PAH: variants seen among roughly 807,000 people sequenced by gnomAD.
PAH encodes the protein phenylalanine hydroxylase.
In PAH, 64 loss-of-function variants were observed where a neutral mutation model predicts 62.0. The observed-to-expected ratio is 1.03, with a 90% CI of 0.84 to 1.27. The LOEUF (loss-of-function observed/expected upper bound fraction) is 1.27, where lower values mean the gene tolerates loss of function less well. Ranked by LOEUF, PAH falls within the 50% of genes most tolerant of loss-of-function variation. The pLI is 0.00. For synonymous variants in PAH, 195 were observed against 196.2 expected (o/e 0.99, Z 0.05); for missense variants, 579 against 542.8 (o/e 1.07, Z -0.66).
At chr12:102,839,319 G>T in intron 12 of PAH, 101 bp from the exon 13 acceptor site, 1 of 1,140,840 alleles carries the variant, frequency 8.8e-7, no homozygotes, top group Non-Finnish European at 1.3e-6. Context: ...GGGCTTCTTG[G>T]ATGAGCTGGG....
rs1400022411 is a variant in PAH at position 102,889,545 on chromosome 12, TAGAC to T, written c.352+5186_352+5189del. Among the ~76,000 whole-genome samples the T allele has an allele frequency of 2.7e-3, 331 of 123,638 alleles. 2 individuals are homozygous for T. Among genetic ancestry groups the T allele is most frequent in the African/African-American group, 7.3e-3 (288 of 39,310 alleles). 81.1% of individuals were successfully genotyped at this position (123,638 alleles called of 152,430 possible). A position where few individuals can be genotyped will look rare whatever the true frequency, so the allele number is the denominator to read the frequency against. On this transcript the variant is annotated intron_variant, in intron 3 of 12. Transcript: ENST00000553106. ...ATGGATAGATAGACGGATAGATAGA[TAGAC>T]AGATAGATAGATAGATAGATAGACA...
intron 3 of PAH, among the ~76,000 whole-genome samples, chr12:102,889,152 A>T (rs1877164094): frequency 6.6e-6 from 1 of 152,118 alleles, no homozygotes; most frequent in Admixed American, 6.5e-5. Flanking sequence ...TCTCCTAAAA[A>T]TTATGCATGC....
At chr12:102,942,118 G>A (rs1209865693) in intron 1 of PAH, among the ~76,000 whole-genome samples, 1 of 152,100 alleles carries the variant, frequency 6.6e-6, no homozygotes, top group Admixed American at 6.5e-5. Flanking sequence ...AATAGGAGAG[G>A]AAGTCAAACT....
At chr12:102,879,998 C>G (rs968207648) in intron 3 of PAH, among the ~76,000 whole-genome samples, 1 of 152,198 alleles carries the variant, frequency 6.6e-6, no homozygotes, top group East Asian at 1.9e-4. Context: ...TATGCTACCC[C>G]CTTCAATTTC....
At chr12:102,927,703 C>G (rs377357942) in intron 1 of PAH, among the ~76,000 whole-genome samples, 1 of 152,072 alleles carries the variant, frequency 6.6e-6, no homozygotes, top group Non-Finnish European at 1.5e-5. Context: ...ACAATTTACA[C>G]AATTAAGCTA....
intron 8 of PAH, among the ~76,000 whole-genome samples, chr12:102,848,253 G>T (rs1015302826): frequency 6.6e-6 from 1 of 151,542 alleles, no homozygotes; most frequent in Non-Finnish European, 1.5e-5. Flanking sequence ...AGACTGAAGG[G>T]GTTGAGGATA....
Position 102,855,328 on chromosome 12 carries a change from G to A in PAH, c.514C>T (p.Gln172Ter), listed in dbSNP as rs199475588. The change falls in exon 6 of 13, where the codon CAG becomes TAG. Residue 172 changes from glutamine to a stop codon, truncating the protein, a stop_gained. Transcript: ENST00000553106. LOFTEE classifies it high-confidence loss of function. The stretch of plus-strand genomic sequence containing the variant: ...ATGTATTCCACTCGAGGGATGGGCT[G>A]CCCACTAGAATACAGGCACAAAATA... ...ADIAYNYRHG[Q>*]PIPRVEYMEE... is the part of the protein sequence containing the mutation. 2 of 1,613,966 alleles carry A rather than the reference G, an allele frequency of 1.2e-6. No individual in the cohort carries two copies. The highest frequency in any genetic ancestry group is 1.7e-6 in the Non-Finnish European group (2 of 1,179,912).
In PAH at chr12:102,840,468, G is replaced by T. The variant is rs1445893088; in HGVS notation, c.1247C>A (p.Pro416Gln). 6.8e-6 allele frequency: 11 copies of T among 1,613,986 alleles called. No homozygotes were observed. The highest frequency in any genetic ancestry group is 9.3e-6 in the Non-Finnish European group (11 of 1,179,880). ...CAAGACCTCAATCCTTTGGGTGTAT[G>T]GGTCGTAGCGAACTGAGAAGGGCCG... ...IPRPFSVRYD[P>Q]YTQRIEVLDN... is the part of the protein sequence containing the mutation. The change falls in exon 12 of 13, where the codon CCA becomes CAA. Residue 416 changes from proline to glutamine, a missense_variant. Transcript: ENST00000553106.
At chr12:102,914,040 A>C in intron 1 of PAH, 1 of 516,208 alleles carries the variant, frequency 1.9e-6, no homozygotes. Context: ...GTGTTAGGAA[A>C]CTCTTAGTGA....
chr12:102,928,699 T>A (rs1787250399), intron 1 of PAH, among the ~76,000 whole-genome samples: 1 of 152,180 alleles, frequency 6.6e-6, no homozygotes, highest in African/African-American at 2.4e-5. Context: ...CTCAGTTTCC[T>A]GATAAGACAC....
intron 8 of PAH, among the ~76,000 whole-genome samples, chr12:102,849,939 G>A (rs558342282): frequency 6.6e-6 from 1 of 152,344 alleles, no homozygotes; most frequent in South Asian, 2.1e-4. Context: ...ATGTGACACT[G>A]ATGCCCCAAG....
At chr12:102,922,401 C>T (rs1187889918) in intron 1 of PAH, among the ~76,000 whole-genome samples, 1 of 152,032 alleles carries the variant, frequency 6.6e-6, no homozygotes, top group African/African-American at 2.4e-5. Flanking sequence ...ATCATGTTGG[C>T]CAGGTTAGTC....
chr12:102,871,179 A>T (rs1876300981), intron 4 of PAH, among the ~76,000 whole-genome samples: 1 of 152,200 alleles, frequency 6.6e-6, no homozygotes. Flanking sequence ...GCCTCTTCAA[A>T]AGCCCTTCAA....
rs73393595 is a variant in PAH, at chr12:102,934,631, C to G, written c.-96+15958G>C. Reference sequence around the variant, plus strand: ...TGTCTTATAGTTTTCATTGTAGAGACCTTTCACTTCTTAGGTTAACTCCTA... The same window carrying G: ...TGTCTTATAGTTTTCATTGTAGAGAGCTTTCACTTCTTAGGTTAACTCCTA... On this transcript the variant is annotated intron_variant, in intron 1 of 3. Coordinates refer to the PAH transcript ENST00000546844. 9.9e-5 allele frequency among the ~76,000 whole-genome samples: 15 copies of G among 151,850 alleles called. No homozygotes were observed. In the East Asian group the frequency reaches 1.5e-3, roughly 16 times the overall value.
intron 3 of PAH, among the ~76,000 whole-genome samples, chr12:102,887,704 AG>A (rs1220339427): frequency 6.6e-6 from 1 of 152,126 alleles, no homozygotes; most frequent in African/African-American, 2.4e-5. Context: ...GAATTGGGAG[AG>A]TGGGTCTTTG....
intron 2 of PAH, among the ~76,000 whole-genome samples, chr12:102,898,943 C>G (rs1476173280): frequency 6.6e-6 from 1 of 152,180 alleles, no homozygotes; most frequent in African/African-American, 2.4e-5. Context: ...ATGGCTCCAA[C>G]TGCAGACAAC....
At chr12:102,889,791 G>T (rs1175117309) in intron 3 of PAH, among the ~76,000 whole-genome samples, 1 of 152,130 alleles carries the variant, frequency 6.6e-6, no homozygotes, top group African/African-American at 2.4e-5. Flanking sequence ...GCTTCTCCTG[G>T]CTGCAATCTC....
intron 8 of PAH, among the ~76,000 whole-genome samples, chr12:102,849,792 C>G (rs1012121469): frequency 2.0e-5 from 3 of 152,188 alleles, no homozygotes; most frequent in Non-Finnish European, 1.5e-5. Context: ...GGGGGCCCCA[C>G]ATTCCCTGTG....
intron 1 of PAH, among the ~76,000 whole-genome samples, chr12:102,926,226 G>A (rs1202964761): frequency 6.6e-6 from 1 of 152,062 alleles, no homozygotes; most frequent in African/African-American, 2.4e-5. Context: ...GGGGGATACT[G>A]GTTTAAGTCG....
Sources: gnomAD v4.1 joint callset for allele counts (sites outside exome capture counted in the v4.1 genomes callset) on GRCh38, gnomAD v4.1.1 for gene constraint, MANE v1.5 for transcripts, NCBI Gene and HGNC (gene_info 2026-07-23, HGNC 2026-07-21) for gene names.